The following FGD3 variants were observed in gnomAD, a reference collection of about 807,000 sequenced individuals.
The protein encoded by FGD3 is FYVE, RhoGEF and PH domain containing 3.
In FGD3, 45 loss-of-function variants were observed where a neutral mutation model predicts 71.8. The ratio of observed to expected loss-of-function variants is 0.63; its 90% CI spans 0.49 to 0.80. The LOEUF (loss-of-function observed/expected upper bound fraction) is 0.80. FGD3 is among the 30% of genes least tolerant of loss of function. FGD3 has a pLI of 0.00. For synonymous variants in FGD3, 378 were observed against 392.8 expected, an observed-to-expected ratio of 0.96 and a Z score of 0.44; for missense variants, 844 against 951.5, an observed-to-expected ratio of 0.89 and a Z score of 1.49.
intron 5 of FGD3, 109 bp downstream of exon 5, chr9:93,004,246 G>C (rs1267560578): frequency 1.4e-6 from 2 of 1,434,464 alleles, no homozygotes; most frequent in Non-Finnish European, 1.9e-6. Context: ...TGGTGGCTGG[G>C]CGCCTCCCTT....
rs1860951874 is a variant in FGD3 at position 93,003,981 on chromosome 9, G to T, written c.544-20G>T. On this transcript the variant is annotated intron_variant, in intron 4 of 17. Coordinates refer to ENST00000375482, the MANE Select transcript of FGD3 (RefSeq NM_001083536.2). The surrounding 1 kb of genome is among the most constrained non-coding windows in gnomAD (Gnocchi z 4.1). ...AGTGGAAGAGGCTCACTGGCCACAC[G>T]TGGGCTTCTCTATGCTCAGGTTTTC... 3 of 1,613,620 alleles carry T rather than the reference G, an allele frequency of 1.9e-6. No homozygotes were observed. The East Asian group carries it at 6.7e-5, about 36-fold the overall frequency.
At chr9:92,949,816 C>T (rs1858920853) in intron 1 of FGD3, among the ~76,000 whole-genome samples, 2 of 152,152 alleles carry the variant, frequency 1.3e-5, no homozygotes, top group Non-Finnish European at 2.9e-5. Flanking sequence ...GGGTGGGGCT[C>T]CCTTCTCCCA....
chr9:93,030,427 A>G (rs1469097625), intron 15 of FGD3, among the ~76,000 whole-genome samples: 5 of 152,134 alleles, frequency 3.3e-5, no homozygotes, highest in South Asian at 2.1e-4. Flanking sequence ...TGATGAGGCA[A>G]TGCCTCCGAC....
chr9:92,955,187 G>A (rs951123641), intron 1 of FGD3, among the ~76,000 whole-genome samples: 4 of 152,194 alleles, frequency 2.6e-5, no homozygotes, highest in African/African-American at 4.8e-5. Flanking sequence ...CTGAGATGAC[G>A]CTGAGGATTC....
intron 1 of FGD3, among the ~76,000 whole-genome samples, chr9:92,955,514 A>G (rs1859035010): frequency 6.6e-6 from 1 of 152,198 alleles, no homozygotes; most frequent in Non-Finnish European, 1.5e-5. Flanking sequence ...GGATGCCACT[A>G]GCTAGTTGTT....
intron 1 of FGD3, among the ~76,000 whole-genome samples, chr9:92,948,173 A>G (rs1858890457): frequency 6.6e-6 from 1 of 152,202 alleles, no homozygotes. Context: ...AAGAACACAT[A>G]TCATTGCCTG....
At chr9:92,954,461 A>T (rs78416987) in intron 1 of FGD3, among the ~76,000 whole-genome samples, 7,415 of 152,258 alleles carry the variant, frequency 0.049, 334 homozygotes, top group East Asian at 0.25. Context: ...AGGTGATTGG[A>T]GAAGCAGCCG....
intron 1 of FGD3, among the ~76,000 whole-genome samples, chr9:92,965,161 G>A (rs1859272656): frequency 6.6e-6 from 1 of 152,188 alleles, no homozygotes; most frequent in African/African-American, 2.4e-5. Flanking sequence ...GGGGCCCGAG[G>A]GGCAGAGGCA....
chr9:93,027,838 GC>G (rs1278341570), intron 14 of FGD3, among the ~76,000 whole-genome samples: 5 of 143,010 alleles, frequency 3.5e-5, no homozygotes, highest in African/African-American at 5.2e-5. Flanking sequence ...TCCTACCTAA[GC>G]CCCCCAAATA....
chr9:93,021,299 G>T (rs1019173237), intron 13 of FGD3, among the ~76,000 whole-genome samples: 1 of 152,182 alleles, frequency 6.6e-6, no homozygotes, highest in South Asian at 2.1e-4. Context: ...GATTTCACAT[G>T]GAGACTTAGG....
intron 6 of FGD3, among the ~76,000 whole-genome samples, chr9:93,009,974 A>G (rs766325373): frequency 2.6e-5 from 4 of 152,058 alleles, no homozygotes; most frequent in Admixed American, 2.6e-4. Flanking sequence ...CCAGGCATTT[A>G]TTTTCTCCAC....
At chr9:93,000,568 T>C (rs533829048) in intron 3 of FGD3, among the ~76,000 whole-genome samples, 1 of 152,336 alleles carries the variant, frequency 6.6e-6, no homozygotes, top group South Asian at 2.1e-4. Flanking sequence ...TATTCTTTGT[T>C]GACAGTTTTT....
At chr9:93,007,331 C>T (rs1861107531) in intron 6 of FGD3, among the ~76,000 whole-genome samples, 1 of 151,902 alleles carries the variant, frequency 6.6e-6, no homozygotes, top group South Asian at 2.1e-4. Flanking sequence ...ACCTTGTGAT[C>T]CACCCACCTC....
rs148690314 is a variant in FGD3, at chr9:92,973,468, T to C, written c.-217-1770T>C. 4.2e-3 allele frequency among the ~76,000 whole-genome samples: 640 copies of C among 152,328 alleles called. 4 individuals carry two copies. The highest frequency in any genetic ancestry group is 0.017 in the Middle Eastern group (5 of 294). On this transcript the variant is annotated intron_variant, in intron 1 of 17. Coordinates refer to ENST00000375482, the MANE Select transcript of FGD3 (RefSeq NM_001083536.2). ...AGACTATGGGAATTTTACCTTGCCA[T>C]GCACTAGATATTTTTGTAGTTCTAT...
intron 16 of FGD3, 137 bp from the exon 17 acceptor site, chr9:93,034,404 G>A (rs2118850263): frequency 8.3e-7 from 1 of 1,203,720 alleles, no homozygotes; most frequent in South Asian, 1.7e-5. Flanking sequence ...GCTGGTCCCA[G>A]TCTCTGTGCA....
chr9:92,982,438 A>G (rs1227565367), intron 3 of FGD3, among the ~76,000 whole-genome samples: 1 of 152,226 alleles, frequency 6.6e-6, no homozygotes, highest in Non-Finnish European at 1.5e-5. Flanking sequence ...TAGTGCTGCA[A>G]TAAACATGGA....
chr9:92,999,088 A>G (rs899027761), intron 3 of FGD3, among the ~76,000 whole-genome samples: 1 of 152,216 alleles, frequency 6.6e-6, no homozygotes, highest in African/African-American at 2.4e-5. Context: ...CTACAGAGGC[A>G]GGCAGGCTTC....
chr9:93,013,708 A>C, intron 8 of FGD3, 144 bp from the exon 9 acceptor site: 1 of 952,464 alleles, frequency 1.0e-6, no homozygotes. Flanking sequence ...CTCAAACATC[A>C]CTCTGTTTTC....
intron 3 of FGD3, among the ~76,000 whole-genome samples, chr9:92,989,699 A>T (rs1208992142): frequency 6.6e-6 from 1 of 152,236 alleles, no homozygotes; most frequent in Non-Finnish European, 1.5e-5. Context: ...ATAGTCAATT[A>T]TGTATTCATC....
Sources: allele counts gnomAD v4.1 joint callset (sites outside exome capture counted in the v4.1 genomes callset), GRCh38; gene constraint gnomAD v4.1.1; non-coding constraint Gnocchi (gnomAD v3.1); transcripts MANE v1.5; gene names NCBI Gene and HGNC (gene_info 2026-07-23, HGNC 2026-07-21).